DTNA: variants seen among roughly 807,000 people sequenced by gnomAD.
DTNA encodes the protein dystrobrevin alpha.
In DTNA, 43 loss-of-function variants were observed where a neutral mutation model predicts 100.7. That is an observed-to-expected ratio of 0.43 (90% CI 0.33 to 0.55). The LOEUF (loss-of-function observed/expected upper bound fraction) is 0.55. Among genes scored for constraint, DTNA ranks in the 20% least tolerant of loss-of-function variants. The pLI is 0.04. For synonymous variants in DTNA, 349 were observed against 347.9 expected, an observed-to-expected ratio of 1.00 and a Z score of -0.04; for missense variants, 798 against 953.9, an observed-to-expected ratio of 0.84 and a Z score of 2.15.
At chr18:34,714,471 A>G (rs1344268441) in intron 1 of DTNA, among the ~76,000 whole-genome samples, 22 of 149,942 alleles carry the variant, frequency 1.5e-4, no homozygotes, top group African/African-American at 5.5e-4. Context: ...CAGCCAAAAA[A>G]CACATGAAAA....
At chr18:34,841,983 T>G (rs2096277243) in intron 13 of DTNA, among the ~76,000 whole-genome samples, 1 of 152,194 alleles carries the variant, frequency 6.6e-6, no homozygotes, top group Admixed American at 6.6e-5. Context: ...AAGGGAGAAT[T>G]TCTGCTTCCT....
chr18:34,590,698 A>G (rs560942007), intron 1 of DTNA, among the ~76,000 whole-genome samples: 29 of 152,344 alleles, frequency 1.9e-4, no homozygotes, highest in African/African-American at 6.5e-4. Flanking sequence ...TTTGCCTGTT[A>G]CATGCCCAGT....
intron 1 of DTNA, among the ~76,000 whole-genome samples, chr18:34,615,542 C>T: frequency 6.6e-6 from 1 of 152,052 alleles, no homozygotes; most frequent in East Asian, 1.9e-4. Flanking sequence ...TGATTGTCGG[C>T]ATTTTTTGGA....
intron 1 of DTNA, among the ~76,000 whole-genome samples, chr18:34,755,189 G>T (rs2092690804): frequency 6.6e-6 from 1 of 152,098 alleles, no homozygotes; most frequent in Non-Finnish European, 1.5e-5. Flanking sequence ...TTGATATTTA[G>T]CCCAAAGCCC....
chr18:34,866,484 C>T (rs918428607), intron 17 of DTNA: 6 of 1,201,472 alleles, frequency 5.0e-6, no homozygotes, highest in Non-Finnish European at 6.3e-6. Context: ...AGAGATACCA[C>T]AGTCACTAGA....
At chr18:34,686,187 T>G (rs976639758) in intron 1 of DTNA, among the ~76,000 whole-genome samples, 1 of 152,082 alleles carries the variant, frequency 6.6e-6, no homozygotes, top group Admixed American at 6.6e-5. Context: ...TGAATAGGAG[T>G]GGTGAGAGAG....
chr18:34,745,145 AT>A (rs1170623778), intron 1 of DTNA, among the ~76,000 whole-genome samples: 1 of 151,976 alleles, frequency 6.6e-6, no homozygotes, highest in Non-Finnish European at 1.5e-5. Context: ...ATTTATTATT[AT>A]TTCTTCTCCC....
At chr18:34,668,388 G>A (rs1390321323) in intron 1 of DTNA, among the ~76,000 whole-genome samples, 2 of 151,932 alleles carry the variant, frequency 1.3e-5, no homozygotes, top group South Asian at 2.1e-4. Context: ...TCCTGGATTC[G>A]TTGATTTTTT....
intron 1 of DTNA, among the ~76,000 whole-genome samples, chr18:34,633,803 C>T (rs1248396548): frequency 1.3e-5 from 2 of 152,144 alleles, no homozygotes; most frequent in African/African-American, 4.8e-5. Context: ...AGTTTCCAGC[C>T]TAAGGAAAAA....
At chr18:34,575,448 A>G (rs1035368959) in intron 1 of DTNA, among the ~76,000 whole-genome samples, 1 of 152,204 alleles carries the variant, frequency 6.6e-6, no homozygotes, top group Non-Finnish European at 1.5e-5. Flanking sequence ...GACAGCAAAC[A>G]AATCTGTCAT....
At chr18:34,615,746 C>T (rs1261296028) in intron 1 of DTNA, among the ~76,000 whole-genome samples, 1 of 152,118 alleles carries the variant, frequency 6.6e-6, no homozygotes, top group Non-Finnish European at 1.5e-5. Context: ...TCCTCCCACC[C>T]TCCACTCTGA....
chr18:34,713,267 A>G (rs900057432), intron 1 of DTNA, among the ~76,000 whole-genome samples: 4 of 152,192 alleles, frequency 2.6e-5, no homozygotes, highest in African/African-American at 4.8e-5. Context: ...AGTGGAAATT[A>G]CTAATGGGTA....
At chr18:34,572,426 T>C (rs1317864385) in intron 1 of DTNA, among the ~76,000 whole-genome samples, 1 of 152,226 alleles carries the variant, frequency 6.6e-6, no homozygotes, top group African/African-American at 2.4e-5. Flanking sequence ...GTGTTTTACA[T>C]ATAGCAGCTC....
rs1428196565 is a variant in DTNA, at chr18:34,502,496, G to T, written c.-2+8982G>T. ...CTCTTTTCTAATGTATGCATTTAGT[G>T]CTATAGATTTCCCTCTCAGTTCTGC... On this transcript the variant is annotated intron_variant, in intron 1 of 19. Transcript: ENST00000283365. Among the ~76,000 whole-genome samples, 2 of 152,046 alleles carry T rather than the reference G, an allele frequency of 1.3e-5. 1 individual carries two copies. The highest frequency in any genetic ancestry group is 2.9e-5 in the Non-Finnish European group (2 of 67,996).
chr18:34,610,083 A>G (rs191361344), intron 1 of DTNA, among the ~76,000 whole-genome samples: 115 of 152,222 alleles, frequency 7.6e-4, no homozygotes, highest in Non-Finnish European at 8.5e-4. Context: ...TATTTTCAGC[A>G]AGTTTTAATT....
chr18:34,604,376 C>T (rs1488713000), intron 1 of DTNA, among the ~76,000 whole-genome samples: 2 of 152,062 alleles, frequency 1.3e-5, no homozygotes, highest in Non-Finnish European at 2.9e-5. Flanking sequence ...AAATTCTTAG[C>T]ACACATTTTT....
chr18:34,780,546 G>A (rs1163405343), intron 3 of DTNA, among the ~76,000 whole-genome samples: 1 of 152,168 alleles, frequency 6.6e-6, no homozygotes, highest in African/African-American at 2.4e-5. Flanking sequence ...TTTAAATAGT[G>A]CTAAATAAAA....
chr18:34,786,613 A>G (rs1214257946), intron 3 of DTNA, among the ~76,000 whole-genome samples: 2 of 152,136 alleles, frequency 1.3e-5, no homozygotes, highest in African/African-American at 4.8e-5. Context: ...GAGCATGCGC[A>G]TGGATATACA....
rs2040769506 is a variant in DTNA at position 34,508,986 on chromosome 18, C to T, written c.-2+15472C>T. Among the ~76,000 whole-genome samples, 3 of 152,074 alleles carry T rather than the reference C, an allele frequency of 2.0e-5. 1 individual carries two copies. Among genetic ancestry groups the T allele is most frequent in the Non-Finnish European group, 4.4e-5 (3 of 67,980 alleles). ...TATTACTTTCTATCCTTTCACTGTT[C>T]CTCACCACCAGTTGTCTTAGGCTCT... is the stretch of plus-strand genomic sequence containing the variant. On this transcript the variant is annotated intron_variant, in intron 1 of 19. Coordinates refer to the DTNA transcript ENST00000283365.
Sources: gnomAD v4.1 joint callset for allele counts (sites outside exome capture counted in the v4.1 genomes callset) on GRCh38, gnomAD v4.1.1 for gene constraint, MANE v1.5 for transcripts, NCBI Gene and HGNC (gene_info 2026-07-23, HGNC 2026-07-21) for gene names.